AHNAK: variants seen among roughly 807,000 people sequenced by gnomAD.
AHNAK encodes the protein AHNAK nucleoprotein, also known as neuroblast differentiation-associated protein AHNAK.
In AHNAK, 23 loss-of-function variants were observed where a neutral mutation model predicts 37.8. The observed-to-expected ratio is 0.61, with a 90% CI of 0.44 to 0.86. The LOEUF (loss-of-function observed/expected upper bound fraction) is 0.86, where lower values mean the gene tolerates loss of function less well. Among genes scored for constraint, AHNAK ranks in the 40% least tolerant of loss-of-function variants. AHNAK has a pLI of 0.00. For synonymous variants in AHNAK, 2,481 were observed against 2,636.3 expected (o/e 0.94, Z 1.80); for missense variants, 7,411 against 7,319.4 (o/e 1.01, Z -0.46).
rs757609435 is a variant in AHNAK at position 62,518,821 on chromosome 11, A to C, written c.15596T>G (p.Val5199Gly). The C allele has an allele frequency of 3.1e-6, 5 of 1,614,206 alleles. No homozygotes were observed. The South Asian group carries it at 5.5e-5, about 18-fold the overall frequency. The change falls in exon 5 of 5, where the codon GTG (valine) becomes GGG (glycine). Residue 5199 changes from valine (V) to glycine (G), a missense_variant. Transcript: ENST00000378024. ...CTTTGGTCCTTTCAAGTTTACATTC[A>C]CATCAGGGATGGAGACTTGAGGGGC... is the stretch of plus-strand genomic sequence containing the variant. The part of the protein sequence containing the change: ...ISAPQVSIPD[V>G]NVNLKGPKIK...
chr11:62,437,169 C>T (rs61709279), intron 5 of AHNAK, among the ~76,000 whole-genome samples: 20,284 of 152,108 alleles, frequency 0.13, 1,623 homozygotes, highest in Middle Eastern at 0.2. Flanking sequence ...CTTTCTGAAC[C>T]ATATATTAAT....
chr11:62,470,949 G>T (rs1400265947), intron 5 of AHNAK, among the ~76,000 whole-genome samples: 2 of 152,088 alleles, frequency 1.3e-5, no homozygotes, highest in Admixed American at 1.3e-4. Flanking sequence ...GACCGTCCCT[G>T]CTGGACAACT....
downstream of AHNAK, among the ~76,000 whole-genome samples, chr11:62,514,758 G>T (rs1261319426): frequency 1.3e-5 from 2 of 152,098 alleles, 1 homozygote; most frequent in Middle Eastern, 6.3e-3. Flanking sequence ...AACGCAGCCG[G>T]GTATCAAGGG....
chr11:62,503,383 C>T (rs1023452540), intron 4 of AHNAK, among the ~76,000 whole-genome samples: 2 of 152,054 alleles, frequency 1.3e-5, no homozygotes, highest in African/African-American at 4.8e-5. Flanking sequence ...GTAAGGAGTT[C>T]GAGACCAGCC....
intron 5 of AHNAK, among the ~76,000 whole-genome samples, chr11:62,482,276 G>A (rs546642808): frequency 6.6e-5 from 10 of 152,278 alleles, no homozygotes; most frequent in South Asian, 2.1e-4. Context: ...TTATCCGGGC[G>A]TGGTGGTGCG....
At position 62,535,959 on chromosome 11, in the gene AHNAK, C is replaced by A; in HGVS notation, c.140G>T (p.Gly47Val). 2 of 1,611,528 alleles carry A rather than the reference C, an allele frequency of 1.2e-6. No individual in the cohort carries two copies. Among genetic ancestry groups the A allele is most frequent in the South Asian group, 2.2e-5 (2 of 90,988 alleles). Reference protein sequence around the residue: ...VTQNSPAARTGVVKEGDQIVG... With the variant: ...VTQNSPAARTVVVKEGDQIVG... ...GGGTGACTCACCCTCCTTGACCACC[C>A]CAGTGCGGGCCGCAGGGGAGTTCTG... The change falls in exon 3 of 5, where the codon GGG (glycine) becomes GTG (valine). Residue 47 changes from glycine (G) to valine (V), a missense_variant. Physicochemically the swap from Gly to Val is moderately radical, Grantham distance 109 (BLOSUM62 -3). Transcript: ENST00000378024.
rs188506752 is a variant in AHNAK, at chr11:62,433,924, A to G, written c.443-33T>C. On this transcript the variant is annotated intron_variant, in intron 5 of 5. Coordinates refer to the AHNAK transcript ENST00000257247. ...ACAACAACAAAGAGATTTATATTCA[A>G]CACACTATTTGCATCTCTCCATAAA... The G allele has an allele frequency of 2.9e-5, 47 of 1,609,452 alleles. No homozygotes were observed. The East Asian group carries it at 3.6e-4, about 12-fold the overall frequency.
intron 5 of AHNAK, among the ~76,000 whole-genome samples, chr11:62,463,646 C>T (rs1938838971): frequency 6.6e-6 from 1 of 152,170 alleles, no homozygotes; most frequent in Non-Finnish European, 1.5e-5. Context: ...GGGTGACCGA[C>T]TGTCCTGGTT....
chr11:62,443,496 T>G (rs1480655970), intron 5 of AHNAK, among the ~76,000 whole-genome samples: 1 of 151,216 alleles, frequency 6.6e-6, no homozygotes, highest in Non-Finnish European at 1.5e-5. Context: ...GGTCTCGAAC[T>G]CCCAACCTCA....
intron 5 of AHNAK, among the ~76,000 whole-genome samples, chr11:62,476,182 G>A (rs926163988): frequency 2.0e-5 from 3 of 152,174 alleles, no homozygotes; most frequent in Admixed American, 6.5e-5. Context: ...GAGGTCAGGA[G>A]TTCGAGATCA....
intron 3 of AHNAK, 55 bp from the exon 4 acceptor site, chr11:62,535,245 C>T: frequency 6.7e-7 from 1 of 1,502,444 alleles, no homozygotes; most frequent in Admixed American, 1.8e-5. Flanking sequence ...AGGGAAACCG[C>T]ACACAGCCAC....
At chr11:62,475,040 C>T (rs576581631) in intron 5 of AHNAK, among the ~76,000 whole-genome samples, 54 of 152,166 alleles carry the variant, frequency 3.5e-4, no homozygotes, top group Non-Finnish European at 6.9e-4. Context: ...CGGTGGCTCA[C>T]GCCCGTAATC....
At chr11:62,435,289 A>G (rs1436241796) in intron 5 of AHNAK, among the ~76,000 whole-genome samples, 11 of 152,248 alleles carry the variant, frequency 7.2e-5, no homozygotes, top group Non-Finnish European at 1.5e-4. Context: ...TGAAGAAACC[A>G]TTCACATAAC....
Position 62,518,936 on chromosome 11 carries a change from C to T in AHNAK, c.15481G>A (p.Gly5161Ser), listed in dbSNP as rs376237257. Residue 5161 changes from glycine to serine, a missense_variant, in exon 5 of 5, where the codon GGC becomes AGC. Coordinates refer to ENST00000378024, the MANE Select transcript of AHNAK (RefSeq NM_001620.3). Reference sequence around the variant, plus strand: ...CCCAAGTTTGCCTGCACTTTGGGGCCTTTCAGGTCACCCTCTATTTTTGGC... The same window carrying T: ...CCCAAGTTTGCCTGCACTTTGGGGCTTTTCAGGTCACCCTCTATTTTTGGC... ...SVPKIEGDLK[G>S]PKVQANLGAP... is the part of the protein sequence containing the mutation. 15 of 1,613,980 alleles carry T rather than the reference C, an allele frequency of 9.3e-6. 1 individual carries two copies. The African/African-American group carries it at 1.6e-4, about 17-fold the overall frequency.
chr11:62,463,822 G>C (rs1478895331), intron 5 of AHNAK, among the ~76,000 whole-genome samples: 1 of 151,980 alleles, frequency 6.6e-6, no homozygotes, highest in African/African-American at 2.4e-5. Context: ...GGAGTGCAAT[G>C]GTACGATCTC....
At chr11:62,504,151 ACT>A (rs1396441924) in intron 4 of AHNAK, among the ~76,000 whole-genome samples, 2 of 151,988 alleles carry the variant, frequency 1.3e-5, no homozygotes, top group Non-Finnish European at 2.9e-5. Context: ...ACAGAACAAG[ACT>A]CTATCTCAAA....
At chr11:62,483,867 A>G (rs1023936462) in intron 5 of AHNAK, among the ~76,000 whole-genome samples, 3 of 145,700 alleles carry the variant, frequency 2.1e-5, no homozygotes, top group Non-Finnish European at 3.0e-5. Context: ...TCAAAAAAAA[A>G]AAAAAACAAA....
In AHNAK at chr11:62,546,744, G is replaced by T. The variant is rs1264760507; in HGVS notation, c.-184C>A. 6.5e-6 allele frequency: 1 copy of T among 152,888 alleles called. No homozygotes were observed. The highest frequency in any genetic ancestry group is 1.5e-5 in the Non-Finnish European group (1 of 68,622). The allele number at this position is 152,888 out of a possible 1,614,324, so 9.5% of individuals were successfully genotyped here. On this transcript the variant is annotated 5_prime_UTR_variant, in exon 1 of 5. Transcript: ENST00000378024. ...GCGGCTACTGGCGGCGACGAGCCCCGTTCCGGGCGGGTCTGGCAGGGCGGG... is the reference window on the plus strand; with the variant it reads ...GCGGCTACTGGCGGCGACGAGCCCCTTTCCGGGCGGGTCTGGCAGGGCGGG...
Position 62,517,987 on chromosome 11 carries a change from C to T in AHNAK, c.16430G>A (p.Gly5477Glu). Residue 5477 changes from glycine to glutamate, a missense_variant, in exon 5 of 5, where the codon GGA (glycine) becomes GAA (glutamate). Transcript: ENST00000378024. Reference protein sequence around the residue: ...ATGEIKGPTVGGGLPGIGVQG... With the variant: ...ATGEIKGPTVEGGLPGIGVQG... ...AACACCAATGCCTGGAAGACCTCCT[C>T]CGACAGTGGGGCCTTTGATCTCACC... The T allele has an allele frequency of 6.2e-7, 1 of 1,614,194 alleles. No individual in the cohort carries two copies. Among genetic ancestry groups the T allele is most frequent in the South Asian group, 1.1e-5 (1 of 91,082 alleles).
Sources: allele counts gnomAD v4.1 joint callset (sites outside exome capture counted in the v4.1 genomes callset), GRCh38; gene constraint gnomAD v4.1.1; transcripts MANE v1.5; gene names NCBI Gene and HGNC (gene_info 2026-07-23, HGNC 2026-07-21).